OCIAD2: variants seen among roughly 807,000 people sequenced by gnomAD.
The protein encoded by OCIAD2 is OCIA domain containing 2.
A neutral mutation model predicts 22.9 loss-of-function variants in OCIAD2; 29 were observed. That is an observed-to-expected ratio of 1.27 (90% CI 0.94 to 1.73). The LOEUF (loss-of-function observed/expected upper bound fraction) is 1.73, where lower values mean the gene tolerates loss of function less well. Ranked by LOEUF, OCIAD2 falls within the 40% of genes most tolerant of loss-of-function variation. The probability of loss-of-function intolerance (pLI) is 0.00; values close to 1 mark genes in which losing one functional copy is unlikely to be tolerated. For synonymous variants in OCIAD2, 67 were observed against 60.2 expected, an observed-to-expected ratio of 1.11 and a Z score of -0.52; for missense variants, 189 against 180.3, an observed-to-expected ratio of 1.05 and a Z score of -0.28.
At chr4:48,886,749 C>T (rs1166252256) in intron 6 of OCIAD2, among the ~76,000 whole-genome samples, 2 of 152,076 alleles carry the variant, frequency 1.3e-5, no homozygotes, top group Non-Finnish European at 2.9e-5. Flanking sequence ...CATTGTTGGA[C>T]ATTGGGTTGG....
At chr4:48,885,592 G>A (rs370195306) in intron 6 of OCIAD2, 27 bp from the exon 7 acceptor site, 60 of 1,290,874 alleles carry the variant, frequency 4.6e-5, no homozygotes, top group African/African-American at 2.8e-4. Flanking sequence ...AATAGACAGC[G>A]GTTTGTACTT....
intron 6 of OCIAD2, among the ~76,000 whole-genome samples, chr4:48,890,793 A>G (rs1471777681): frequency 2.6e-5 from 4 of 152,204 alleles, no homozygotes; most frequent in African/African-American, 4.8e-5. Context: ...TTTGAATGAT[A>G]GAAAACTCAT....
chr4:48,901,705 G>A (rs537317161), intron 2 of OCIAD2, among the ~76,000 whole-genome samples: 5 of 152,076 alleles, frequency 3.3e-5, no homozygotes, highest in Non-Finnish European at 7.4e-5. Flanking sequence ...TAATTTTTTT[G>A]TGGAAAAATA....
At chr4:48,895,136 C>A (rs1447233373) in intron 4 of OCIAD2, among the ~76,000 whole-genome samples, 1 of 152,152 alleles carries the variant, frequency 6.6e-6, no homozygotes, top group Non-Finnish European at 1.5e-5. Context: ...GAAAAGGAAG[C>A]CCAAGAGCCT....
At chr4:48,901,697 A>AT (rs779168121) in intron 2 of OCIAD2, among the ~76,000 whole-genome samples, 5 of 152,020 alleles carry the variant, frequency 3.3e-5, no homozygotes, top group Admixed American at 6.6e-5. Flanking sequence ...TGGCTCATTA[A>AT]TTTTTTTGTG....
intron 2 of OCIAD2, among the ~76,000 whole-genome samples, chr4:48,903,781 G>T (rs1781468217): frequency 6.6e-6 from 1 of 151,718 alleles, no homozygotes; most frequent in Non-Finnish European, 1.5e-5. Context: ...GAGTAGCTGG[G>T]ACTACAGGCA....
chr4:48,889,867 C>T (rs139207421), intron 6 of OCIAD2, among the ~76,000 whole-genome samples: 3,274 of 152,178 alleles, frequency 0.022, 43 homozygotes, highest in Middle Eastern at 0.037. Flanking sequence ...AAATGTCCAA[C>T]AATGATAGAC....
chr4:48,897,448 G>A (rs1359727188), intron 4 of OCIAD2, among the ~76,000 whole-genome samples: 5 of 152,042 alleles, frequency 3.3e-5, no homozygotes, highest in African/African-American at 1.2e-4. Context: ...GCCTCACATT[G>A]CCGCCTCTCT....
chr4:48,895,989 A>G (rs575928663), intron 4 of OCIAD2, among the ~76,000 whole-genome samples: 10 of 152,236 alleles, frequency 6.6e-5, no homozygotes, highest in South Asian at 4.1e-4. Context: ...CCGAGATCAC[A>G]CCACTGCACT....
chr4:48,905,884 G>A lies in OCIAD2; in HGVS notation c.-63+774C>T, dbSNP rs529996828. On this transcript the variant is annotated intron_variant, in intron 1 of 6. Coordinates refer to ENST00000508632, the MANE Select transcript of OCIAD2 (RefSeq NM_001014446.3). Reference sequence around the variant, plus strand: ...CCCTTTGGTGCAAATGACTTAATCCGTCTCTGCCTCAGCTTTCTCCACTGT... The same window carrying A: ...CCCTTTGGTGCAAATGACTTAATCCATCTCTGCCTCAGCTTTCTCCACTGT... Among the ~76,000 whole-genome samples the A allele has an allele frequency of 6.6e-5, 10 of 152,250 alleles. No individual in the cohort carries two copies. In the South Asian group the frequency reaches 2.1e-3, roughly 32 times the overall value.
At chr4:48,898,961 A>C (rs1346500958) in intron 3 of OCIAD2, among the ~76,000 whole-genome samples, 5 of 152,152 alleles carry the variant, frequency 3.3e-5, no homozygotes, top group African/African-American at 1.2e-4. Context: ...GTGAAGTGTT[A>C]ATCTACTAGG....
intron 6 of OCIAD2, among the ~76,000 whole-genome samples, chr4:48,885,968 G>A (rs113073542): frequency 0.023 from 3,554 of 152,172 alleles, 43 homozygotes; most frequent in Middle Eastern, 0.037. Context: ...TGTTACCATC[G>A]CTTTTGGTGT....
At chr4:48,901,603 T>C (rs1223747566) in intron 2 of OCIAD2, among the ~76,000 whole-genome samples, 1 of 152,246 alleles carries the variant, frequency 6.6e-6, no homozygotes, top group East Asian at 1.9e-4. Flanking sequence ...TATCTCTACA[T>C]ATTTTTCAGC....
At chr4:48,905,805 A>G (rs1252113588) in intron 1 of OCIAD2, among the ~76,000 whole-genome samples, 1 of 152,240 alleles carries the variant, frequency 6.6e-6, no homozygotes, top group African/African-American at 2.4e-5. Context: ...TGCACGGGAA[A>G]GTACTGGGGT....
chr4:48,894,592 A>G (rs1781260589), intron 4 of OCIAD2, among the ~76,000 whole-genome samples: 1 of 152,220 alleles, frequency 6.6e-6, no homozygotes, highest in Non-Finnish European at 1.5e-5. Context: ...TGTAATGTGT[A>G]GAAAAATAAT....
At chr4:48,891,402 A>G (rs973662737) in intron 6 of OCIAD2, among the ~76,000 whole-genome samples, 2 of 152,176 alleles carry the variant, frequency 1.3e-5, no homozygotes, top group Admixed American at 6.5e-5. Context: ...GCAATTCATT[A>G]TCAGCTATGA....
intron 6 of OCIAD2, among the ~76,000 whole-genome samples, chr4:48,886,618 G>T (rs539585132): frequency 3.5e-4 from 53 of 151,828 alleles, no homozygotes; most frequent in African/African-American, 1.2e-3. Context: ...GCAATAGCTT[G>T]CTGAGAATGA....
chr4:48,888,872 C>CCCTCTTT (rs1781076105), intron 6 of OCIAD2, among the ~76,000 whole-genome samples: 1 of 152,098 alleles, frequency 6.6e-6, no homozygotes, highest in Non-Finnish European at 1.5e-5. Context: ...AGGGAGGATT[C>CCCTCTTT]CCTCTTTTTC....
At chr4:48,892,150 T>C (rs755768582) in intron 6 of OCIAD2, among the ~76,000 whole-genome samples, 1 of 152,260 alleles carries the variant, frequency 6.6e-6, no homozygotes, top group African/African-American at 2.4e-5. Context: ...GTAACTTCTA[T>C]AGTAGAAATA....
Sources: allele counts gnomAD v4.1 joint callset (sites outside exome capture counted in the v4.1 genomes callset), GRCh38; gene constraint gnomAD v4.1.1; transcripts MANE v1.5; gene names NCBI Gene and HGNC (gene_info 2026-07-23, HGNC 2026-07-21).